Variants in ARAP1 observed in about 807,000 individuals in gnomAD.
The protein encoded by ARAP1 is ArfGAP with RhoGAP domain, ankyrin repeat and PH domain 1, also known as arf-GAP with Rho-GAP domain, ANK repeat and PH domain-containing protein 1.
Under a neutral mutation model 172.2 loss-of-function variants are expected in ARAP1, and 76 were observed. That is an observed-to-expected ratio of 0.44 (90% CI 0.37 to 0.53). The LOEUF is 0.53. Ranked by LOEUF, ARAP1 falls within the 20% of genes least tolerant of loss-of-function variation. The pLI is 0.00. For missense variants in ARAP1, 1,686 were observed against 1,977.5 expected, an observed-to-expected ratio of 0.85 and a Z score of 2.80; for synonymous variants, 804 against 803.3, an observed-to-expected ratio of 1.00 and a Z score of -0.01.
In ARAP1 at chr11:72,725,140, G is replaced by A. The variant is rs560511815; in HGVS notation, c.509+1480C>T. 6.6e-6 allele frequency among the ~76,000 whole-genome samples: 1 copy of A among 152,242 alleles called. No individual in the cohort carries two copies. Among genetic ancestry groups the A allele is most frequent in the African/African-American group, 2.4e-5 (1 of 41,548 alleles). On this transcript the variant is annotated intron_variant, in intron 3 of 34. Coordinates refer to ENST00000393609, the MANE Select transcript of ARAP1 (RefSeq NM_001040118.3). The surrounding 1 kb of genome is among the most constrained non-coding windows in gnomAD (Gnocchi z 4.3). ...CCGACCCAGGCATCCTGCCTCCCAA[G>A]CAGGAACCCAGGCCTCCACTGCCCG... is the stretch of plus-strand genomic sequence containing the variant.
At chr11:72,739,837 G>C (rs547814732) in intron 1 of ARAP1, among the ~76,000 whole-genome samples, 2 of 152,274 alleles carry the variant, frequency 1.3e-5, no homozygotes, top group South Asian at 4.1e-4. Context: ...CACATCCTGA[G>C]GTTCTCGGTT....
intron 11 of ARAP1, among the ~76,000 whole-genome samples, chr11:72,709,608 G>A (rs1856918111): frequency 6.6e-6 from 1 of 151,418 alleles, no homozygotes; most frequent in Non-Finnish European, 1.5e-5. Flanking sequence ...GGAGCAGGAG[G>A]CCAGATGGGC....
chr11:72,685,778 G>A (rs1365260460), intron 34 of ARAP1, 97 bp from the exon 35 acceptor site: 12 of 1,527,258 alleles, frequency 7.9e-6, no homozygotes, highest in African/African-American at 1.4e-5. Context: ...ACTCTCCACT[G>A]CCAGCCGGGG....
rs750910399 is a variant in ARAP1 at position 72,693,302 on chromosome 11, C to T, written c.3954+23G>A. ...AGGTGTACAGGTGCCCACCCTGGGG[C>T]AGAACCCAGCGGGGCCACTTACCCG... On this transcript the variant is annotated intron_variant, in intron 29 of 34. Transcript: ENST00000393609. The surrounding 1 kb of genome is among the most constrained non-coding windows in gnomAD (Gnocchi z 4.6). 5.2e-5 allele frequency: 83 copies of T among 1,611,234 alleles called. 2 individuals carry two copies. The Admixed American group carries it at 1.3e-3, about 26-fold the overall frequency.
chr11:72,711,592 G>T, intron 7 of ARAP1, 93 bp from the exon 8 acceptor site: 1 of 1,055,830 alleles, frequency 9.5e-7, no homozygotes, highest in Non-Finnish European at 1.4e-6. Context: ...CTCAGAGTGA[G>T]GATCAGCCAG....
In ARAP1 at chr11:72,705,909, A is replaced by G; in HGVS notation, c.1724-19T>C. The stretch of plus-strand genomic sequence containing the variant: ...TGCTCCCCTGTAGACACAGGGCCAG[A>G]CCCAGAATCACCTGGGCCCCCCCTT... On this transcript the variant is annotated intron_variant, in intron 12 of 34. Coordinates refer to ENST00000393609, the MANE Select transcript of ARAP1 (RefSeq NM_001040118.3). 1 of 1,612,822 alleles carries G rather than the reference A, an allele frequency of 6.2e-7. No homozygotes were observed. Among genetic ancestry groups the G allele is most frequent in the Non-Finnish European group, 8.5e-7 (1 of 1,179,216 alleles).
At chr11:72,698,930 T>G (rs1591183760) in intron 18 of ARAP1, 75 bp downstream of exon 18, 1 of 1,446,558 alleles carries the variant, frequency 6.9e-7, no homozygotes, top group African/African-American at 1.4e-5. Flanking sequence ...GGAGCTGGGA[T>G]ACATGGGATT....
rs923998569 is a variant in ARAP1, at chr11:72,687,225, G to A, written c.4185+214C>T. On this transcript the variant is annotated intron_variant, in intron 33 of 34. Coordinates refer to ENST00000393609, the MANE Select transcript of ARAP1 (RefSeq NM_001040118.3). ...GAGGGGTGCCCCAAGGGCAGGGTCT[G>A]TGTCCTGTCTGTCCCTAGCATCCCT... 1.3e-5 allele frequency: 8 copies of A among 633,812 alleles called. No individual in the cohort carries two copies. In the South Asian group the frequency reaches 1.5e-4, roughly 12 times the overall value. The allele number at this position is 633,812 out of a possible 1,614,324, so 39.3% of individuals were successfully genotyped here.
chr11:72,706,830 C>A (rs1301354918), intron 12 of ARAP1, among the ~76,000 whole-genome samples: 1 of 152,176 alleles, frequency 6.6e-6, no homozygotes, highest in African/African-American at 2.4e-5. Context: ...CTGGCCCCTG[C>A]CAACTCCTCT....
At position 72,741,362 on chromosome 11, in the gene ARAP1, C is replaced by T. The variant is rs1344846127; in HGVS notation, c.-127-8765G>A. On this transcript the variant is annotated intron_variant, in intron 1 of 34. Coordinates refer to ENST00000393609, the MANE Select transcript of ARAP1 (RefSeq NM_001040118.3). The surrounding 1 kb of genome is among the most constrained non-coding windows in gnomAD (Gnocchi z 4.5). ...GGACCCTCCCCACTCTCCCAGTCCT[C>T]ACCCTCGGCCTAGCTCAGGCCCTTC... Among the ~76,000 whole-genome samples, 1 of 152,180 alleles carries T rather than the reference C, an allele frequency of 6.6e-6. No homozygotes were observed. The highest frequency in any genetic ancestry group is 1.5e-5 in the Non-Finnish European group (1 of 68,020).
chr11:72,714,191 C>T lies in ARAP1; in HGVS notation c.640G>A (p.Glu214Lys). Residue 214 changes from glutamate (E) to lysine (K), a missense_variant, in exon 4 of 35, where the codon GAG (glutamate) becomes AAG (lysine). Physicochemically the swap from Glu to Lys is moderately conservative, Grantham distance 56 (BLOSUM62 1). This residue lies in a region of ARAP1 where 155 missense variants were observed against 129.2 expected (regional missense o/e 1.20). Transcript: ENST00000393609. The stretch of plus-strand genomic sequence containing the variant: ...AGGCGTACCGGCTTTGGAGGTATCT[C>T]CGGGGGGCAGGGAGGTGGAGAGGGA... ...QPPSPPPCPP[E>K]IPPKPVRLFP... 6.6e-7 allele frequency: 1 copy of T among 1,517,508 alleles called. No individual in the cohort carries two copies. The highest frequency in any genetic ancestry group is 8.8e-7 in the Non-Finnish European group (1 of 1,138,586). 94.0% of individuals were successfully genotyped at this position (1,517,508 alleles called of 1,614,324 possible). A position where few individuals can be genotyped will look rare whatever the true frequency, so the allele number is the denominator to read the frequency against.
chr11:72,747,831 G>A (rs1403439530), intron 1 of ARAP1, among the ~76,000 whole-genome samples: 1 of 152,192 alleles, frequency 6.6e-6, no homozygotes, highest in African/African-American at 2.4e-5. Context: ...GGATACCCCT[G>A]TACCCTTGAG....
In ARAP1 at chr11:72,697,644, G is replaced by C; in HGVS notation, c.2743C>G (p.Gln915Glu). ...AGCACCTGGTTCTCACTGTCCCCCT[G>C]GATGGCTGTGGAGGGGTTAGTCAAG... ...QLRKLQELSIQGDSENQVLVL... is the reference protein window; with the variant it reads ...QLRKLQELSIEGDSENQVLVL... Residue 915 changes from glutamine to glutamate, a missense_variant, in exon 20 of 35, where the codon CAG (glutamine) becomes GAG (glutamate). Gln to Glu is a conservative substitution (Grantham distance 29, BLOSUM62 2). Transcript: ENST00000393609. 6.2e-7 allele frequency: 1 copy of C among 1,614,116 alleles called. No individual in the cohort carries two copies. Among genetic ancestry groups the C allele is most frequent in the Non-Finnish European group, 8.5e-7 (1 of 1,179,978 alleles).
rs551199056 is a variant in ARAP1 at position 72,706,978 on chromosome 11, G to A, written c.1723+197C>T. 1.1e-4 allele frequency among the ~76,000 whole-genome samples: 17 copies of A among 152,276 alleles called. No homozygotes were observed. The South Asian group carries it at 2.7e-3, about 24-fold the overall frequency. On this transcript the variant is annotated intron_variant, in intron 12 of 34. Coordinates refer to ENST00000393609, the MANE Select transcript of ARAP1 (RefSeq NM_001040118.3). ...TCCCTGTGCCTCCGTGTCCCCACCC[G>A]TGATGGGAGAAGTTGAACCCCTGCC...
intron 33 of ARAP1, among the ~76,000 whole-genome samples, chr11:72,686,407 A>G (rs1175719959): frequency 6.6e-6 from 1 of 152,202 alleles, no homozygotes; most frequent in Non-Finnish European, 1.5e-5. Flanking sequence ...TCCAATCTCC[A>G]GATCCACAAA....
At position 72,703,305 on chromosome 11, in the gene ARAP1, C is replaced by A. The variant is rs542693902; in HGVS notation, c.1993-226G>T. ...GGCTGCCTAGCAGAGGCCAGGGGAT[C>A]CCAGCTGCCCGGGGCCTCACCCCTG... On this transcript the variant is annotated intron_variant, in intron 14 of 34. Transcript: ENST00000393609. 1.9e-4 allele frequency: 87 copies of A among 453,954 alleles called. 2 individuals are homozygous for A. The highest frequency in any genetic ancestry group is 1.6e-3 in the African/African-American group (81 of 49,188). The allele number at this position is 453,954 out of a possible 1,614,324, so 28.1% of individuals were successfully genotyped here. A position where few individuals can be genotyped will look rare whatever the true frequency, so the allele number is the denominator to read the frequency against.
intron 14 of ARAP1, chr11:72,703,878 C>T (rs986564787): frequency 8.1e-5 from 39 of 480,538 alleles, no homozygotes; most frequent in Non-Finnish European, 1.3e-4. Flanking sequence ...CAGAAGCAAC[C>T]GGACGGGGTG....
intron 1 of ARAP1, among the ~76,000 whole-genome samples, chr11:72,742,799 A>T (rs1858241085): frequency 6.6e-6 from 1 of 152,134 alleles, no homozygotes; most frequent in Non-Finnish European, 1.5e-5. Flanking sequence ...CTTGTGAGGG[A>T]GGGATGAAGC....
intron 8 of ARAP1, 112 bp from the exon 9 acceptor site, chr11:72,711,253 C>T: frequency 6.5e-7 from 1 of 1,530,974 alleles, no homozygotes; most frequent in Non-Finnish European, 8.8e-7. Context: ...AGAGACAAGA[C>T]CCTGTGCTGA....
Sources: gnomAD v4.1 joint callset for allele counts (sites outside exome capture counted in the v4.1 genomes callset) on GRCh38, gnomAD v4.1.1 for gene constraint, gnomAD v4.1.1 regional missense constraint, Gnocchi (gnomAD v3.1) non-coding constraint, MANE v1.5 for transcripts, NCBI Gene and HGNC (gene_info 2026-07-23, HGNC 2026-07-21) for gene names.